SAG: variants seen among roughly 807,000 people sequenced by gnomAD.
SAG encodes the protein S-antigen visual arrestin.
In SAG, 45 loss-of-function variants were observed where a neutral mutation model predicts 55.0. That is an observed-to-expected ratio of 0.82 (90% confidence interval 0.64 to 1.05). The LOEUF is 1.05. Ranked by LOEUF, SAG falls within the 50% of genes least tolerant of loss-of-function variation. The probability of loss-of-function intolerance (pLI) is 0.00; values close to 1 mark genes in which losing one functional copy is unlikely to be tolerated. For missense variants in SAG, 455 were observed against 512.1 expected (o/e 0.89, Z 1.08); for synonymous variants, 189 against 197.4 (o/e 0.96, Z 0.36).
At position 233,316,508 on chromosome 2, in the gene SAG, A is replaced by T. The variant is rs528818462; in HGVS notation, c.136+373A>T. ...GTATTTTTAGTAGAGATGGGGTTTCACCATGTTGGCCAGGCTGGTCTCAAA... is the reference window on the plus strand; with the variant it reads ...GTATTTTTAGTAGAGATGGGGTTTCTCCATGTTGGCCAGGCTGGTCTCAAA... On this transcript the variant is annotated intron_variant, in intron 3 of 15. Transcript: ENST00000409110. 1.2e-4 allele frequency among the ~76,000 whole-genome samples: 18 copies of T among 151,872 alleles called. No individual in the cohort carries two copies. The South Asian group carries it at 3.5e-3, about 30-fold the overall frequency.
rs1361071953 is a variant in SAG at position 233,340,767 on chromosome 2, GTGTT to G, written c.1046+293_1046+296del. Among the ~76,000 whole-genome samples the G allele has an allele frequency of 1.3e-5, 2 of 151,964 alleles. No homozygotes were observed. The highest frequency in any genetic ancestry group is 2.9e-5 in the Non-Finnish European group (2 of 67,986). ...GCAGCCAGCTTGTGTGTGTGTGTGT[GTGTT>G]TGTGTGCGGTAAAATACACATAACA... On this transcript the variant is annotated intron_variant, in intron 13 of 15. Coordinates refer to ENST00000409110, the MANE Select transcript of SAG (RefSeq NM_000541.5). The surrounding 1 kb of genome is among the most constrained non-coding windows in gnomAD (Gnocchi z 4.2).
At chr2:233,345,383 G>A (rs925240007) in intron 14 of SAG, 2 of 152,210 alleles carry the variant, frequency 1.3e-5, no homozygotes, top group Non-Finnish European at 2.9e-5. Context: ...GTGCCAGGGT[G>A]CACATGCTCA....
chr2:233,324,462 A>C (rs1000616434), intron 6 of SAG, among the ~76,000 whole-genome samples: 1 of 152,178 alleles, frequency 6.6e-6, no homozygotes, highest in African/African-American at 2.4e-5. Context: ...GTGTGGCCAG[A>C]TCATGAAGGG....
At chr2:233,324,561 A>G (rs1429513929) in intron 6 of SAG, among the ~76,000 whole-genome samples, 1 of 152,160 alleles carries the variant, frequency 6.6e-6, no homozygotes, top group East Asian at 1.9e-4. Context: ...GACTTTCCAA[A>G]TGGTCACTAT....
chr2:233,321,785 A>G (rs1409098008), intron 5 of SAG, among the ~76,000 whole-genome samples: 1 of 152,194 alleles, frequency 6.6e-6, no homozygotes, highest in Non-Finnish European at 1.5e-5. Context: ...GTTTATCACA[A>G]CTGTTTTACA....
At position 233,328,629 on chromosome 2, in the gene SAG, C is replaced by A. The variant is rs759189697; in HGVS notation, c.648+16C>A. ...CAACAAAGAGGTAACCACCTACCATCGCTACTACCCGCAGGGCAGCAGGCC... is the reference window on the plus strand; with the variant it reads ...CAACAAAGAGGTAACCACCTACCATAGCTACTACCCGCAGGGCAGCAGGCC... On this transcript the variant is annotated intron_variant, in intron 8 of 15. Coordinates refer to ENST00000409110, the MANE Select transcript of SAG (RefSeq NM_000541.5). 12 of 1,597,876 alleles carry A rather than the reference C, an allele frequency of 7.5e-6. No homozygotes were observed. The highest frequency in any genetic ancestry group is 1.0e-5 in the Non-Finnish European group (12 of 1,168,962).
intron 10 of SAG, chr2:233,334,748 G>T (rs1700868957): frequency 3.5e-6 from 2 of 564,476 alleles, no homozygotes; most frequent in Non-Finnish European, 3.2e-6. Context: ...TGAGTTGCTT[G>T]AAGAAATATC....
At chr2:233,334,884 G>A (rs961494356) in intron 10 of SAG, 78 bp from the exon 11 acceptor site, 45 of 1,550,846 alleles carry the variant, frequency 2.9e-5, no homozygotes, top group Non-Finnish European at 4.0e-5. Flanking sequence ...CCTGGAAAAT[G>A]CCTAATGTCA....
intron 9 of SAG, among the ~76,000 whole-genome samples, chr2:233,330,504 C>CCTTA (rs1700721383): frequency 6.8e-6 from 1 of 146,058 alleles, no homozygotes; most frequent in Non-Finnish European, 1.5e-5. Context: ...TTCCTTCCTT[C>CCTTA]CTTCCTTCCT....
Position 233,328,584 on chromosome 2 carries a change from C to T in SAG, c.619C>T (p.Leu207=). Residue 207 remains leucine (L), a synonymous_variant, in exon 8 of 16, where the codon CTG becomes TTG. Coordinates refer to ENST00000409110, the MANE Select transcript of SAG (RefSeq NM_000541.5). ...GCAGTTCTTCATGTCTGACAAGCCC[C>T]TGCACCTTGCGGTCTCTCTCAACAA... ...AWQFFMSDKP[L]HLAVSLNKEI... 6.2e-7 allele frequency: 1 copy of T among 1,613,496 alleles called. No individual in the cohort carries two copies. The highest frequency in any genetic ancestry group is 2.2e-5 in the East Asian group (1 of 44,874).
At chr2:233,339,964 C>CG (rs1553615785) in intron 12 of SAG, among the ~76,000 whole-genome samples, 5 of 146,464 alleles carry the variant, frequency 3.4e-5, no homozygotes, top group Non-Finnish European at 7.5e-5. Context: ...GCCCAGCCAA[C>CG]TTTTTTTTTT....
At chr2:233,327,295 A>G in intron 7 of SAG, 98 bp downstream of exon 7, 1 of 966,608 alleles carries the variant, frequency 1.0e-6, no homozygotes, top group Admixed American at 1.8e-5. Context: ...CTCTTCCCAT[A>G]GGGCTGGCAC....
chr2:233,344,399 G>A (rs572993421), intron 14 of SAG: 1 of 152,238 alleles, frequency 6.6e-6, no homozygotes, highest in African/African-American at 2.4e-5. Context: ...TCAAACTCCT[G>A]GCCTCAGGTG....
At chr2:233,328,301 C>T in intron 7 of SAG, 177 bp from the exon 8 acceptor site, 1 of 642,588 alleles carries the variant, frequency 1.6e-6, no homozygotes, top group South Asian at 2.6e-5. Context: ...CCCCCAGGCT[C>T]TTCCACCGTC....
In SAG at chr2:233,319,773, G is replaced by A. The variant is rs973288055; in HGVS notation, c.182-857G>A. 36 of 985,598 alleles carry A rather than the reference G, an allele frequency of 3.7e-5. No individual in the cohort carries two copies. Among genetic ancestry groups the A allele is most frequent in the Non-Finnish European group, 4.2e-5 (35 of 829,946 alleles). The allele number at this position is 985,598 out of a possible 1,614,324, so 61.1% of individuals were successfully genotyped here. ...CTGCACAGGACAGCTGTCAAACCAC[G>A]TGGTCTCTGGGCACCTTCTTAGTCC... On this transcript the variant is annotated intron_variant, in intron 4 of 15. Coordinates refer to ENST00000409110, the MANE Select transcript of SAG (RefSeq NM_000541.5). This position sits in a 1 kb window ranked among gnomAD's most constrained non-coding sequence, Gnocchi z 4.4.
chr2:233,335,170 AC>A (rs1700885068), intron 11 of SAG, 71 bp downstream of exon 11: 1 of 1,544,606 alleles, frequency 6.5e-7, no homozygotes, highest in Non-Finnish European at 8.8e-7. Context: ...CCTTCACATC[AC>A]CCTGCTGGGC....
intron 3 of SAG, among the ~76,000 whole-genome samples, chr2:233,316,973 G>C (rs1355053286): frequency 1.3e-5 from 2 of 152,022 alleles, no homozygotes; most frequent in African/African-American, 4.8e-5. Flanking sequence ...GCGATCCTCC[G>C]ACCTCAGCCT....
intron 10 of SAG, chr2:233,334,540 G>C (rs529705374): frequency 2.3e-4 from 38 of 167,738 alleles, no homozygotes; most frequent in Non-Finnish European, 3.3e-4. Context: ...CAGTCACACT[G>C]TGACCCCCTT....
At chr2:233,328,801 C>T in intron 8 of SAG, 188 bp downstream of exon 8, 1 of 599,520 alleles carries the variant, frequency 1.7e-6, no homozygotes, top group Non-Finnish European at 2.8e-6. Flanking sequence ...CAGCATGGTC[C>T]TTAGAGGAGG....
Sources: allele counts gnomAD v4.1 joint callset (sites outside exome capture counted in the v4.1 genomes callset), GRCh38; gene constraint gnomAD v4.1.1; non-coding constraint Gnocchi (gnomAD v3.1); transcripts MANE v1.5; gene names NCBI Gene and HGNC (gene_info 2026-07-23, HGNC 2026-07-21).